SETD3: variants seen among roughly 807,000 people sequenced by gnomAD.
SETD3 encodes actin-histidine N-methyltransferase.
SETD3 carries 19 observed loss-of-function variants against 63.0 expected under a neutral mutation model. That is an observed-to-expected ratio of 0.30 (90% confidence interval 0.21 to 0.44). The LOEUF is 0.44. Among genes scored for constraint, SETD3 ranks in the 20% least tolerant of loss-of-function variants. The pLI, the probability that SETD3 is intolerant of heterozygous loss-of-function variation, is 1.00. For synonymous variants in SETD3, 286 were observed against 264.1 expected (o/e 1.08, Z -0.80); for missense variants, 587 against 728.5 (o/e 0.81, Z 2.24).
intron 1 of SETD3, among the ~76,000 whole-genome samples, chr14:99,474,860 T>C (rs1895890104): frequency 7.1e-6 from 1 of 141,020 alleles, no homozygotes; most frequent in Admixed American, 7.2e-5. Context: ...ATAAGCACAG[T>C]TGTTGCTTTT....
At chr14:99,428,122 C>A (rs1033520037) in intron 6 of SETD3, among the ~76,000 whole-genome samples, 1 of 152,218 alleles carries the variant, frequency 6.6e-6, no homozygotes, top group Non-Finnish European at 1.5e-5. Flanking sequence ...TGGCACAGTG[C>A]CCACGGCAGG....
chr14:99,461,464 A>C, intron 3 of SETD3, 124 bp from the exon 4 acceptor site: 1 of 924,166 alleles, frequency 1.1e-6, no homozygotes, highest in South Asian at 1.6e-5. Flanking sequence ...GCCAATCTTG[A>C]AATCAAAACT....
chr14:99,458,221 A>G lies in SETD3; in HGVS notation c.675+58T>C. The G allele has an allele frequency of 3.9e-6, 6 of 1,542,824 alleles. No homozygotes were observed. In the South Asian group the frequency reaches 7.4e-5, roughly 19 times the overall value. The stretch of plus-strand genomic sequence containing the variant: ...ATCAAATGGAATATTTATGGACTCA[A>G]TTCCTCTTTCCTCCCCACTCTGTGA... On this transcript the variant is annotated intron_variant, in intron 6 of 12. Transcript: ENST00000331768.
At chr14:99,428,116 A>G (rs1892982619) in intron 6 of SETD3, among the ~76,000 whole-genome samples, 1 of 152,248 alleles carries the variant, frequency 6.6e-6, no homozygotes, top group South Asian at 2.1e-4. Context: ...AGAGGGTGGC[A>G]CAGTGCCCAC....
At chr14:99,421,803 T>C (rs1892611340) in intron 6 of SETD3, among the ~76,000 whole-genome samples, 1 of 152,148 alleles carries the variant, frequency 6.6e-6, no homozygotes, top group Admixed American at 6.5e-5. Flanking sequence ...AGTTAATAAA[T>C]GATGAGGCTA....
chr14:99,429,099 A>T (rs1893037225), intron 6 of SETD3, among the ~76,000 whole-genome samples: 1 of 152,224 alleles, frequency 6.6e-6, no homozygotes, highest in South Asian at 2.1e-4. Flanking sequence ...AATCTGCCAT[A>T]ATACGGTGTC....
chr14:99,408,084 T>C (rs1236647961), intron 8 of SETD3, among the ~76,000 whole-genome samples: 1 of 152,184 alleles, frequency 6.6e-6, no homozygotes, highest in Non-Finnish European at 1.5e-5. Flanking sequence ...CAGCTACAAG[T>C]GCTCCTTGCT....
chr14:99,443,859 A>G (rs1893979668), intron 6 of SETD3, among the ~76,000 whole-genome samples: 1 of 152,170 alleles, frequency 6.6e-6, no homozygotes, highest in Non-Finnish European at 1.5e-5. Context: ...CTCGCTCTGG[A>G]AAGGGCTGCC....
At chr14:99,465,457 G>C in intron 2 of SETD3, among the ~76,000 whole-genome samples, 1 of 152,364 alleles carries the variant, frequency 6.6e-6, no homozygotes, top group South Asian at 2.1e-4. Flanking sequence ...CCAGGTGACT[G>C]TGCCATGGAA....
chr14:99,423,815 T>C (rs958940451), intron 6 of SETD3, among the ~76,000 whole-genome samples: 1 of 152,140 alleles, frequency 6.6e-6, no homozygotes, highest in Non-Finnish European at 1.5e-5. Flanking sequence ...GTTTCTCTTA[T>C]GAGAACGGCC....
chr14:99,417,581 A>G (rs1471254048), intron 6 of SETD3, among the ~76,000 whole-genome samples: 2 of 152,262 alleles, frequency 1.3e-5, no homozygotes, highest in Non-Finnish European at 2.9e-5. Flanking sequence ...CAAACAGTTA[A>G]TATGTGTTAC....
chr14:99,407,806 T>C (rs1891767034), intron 8 of SETD3, among the ~76,000 whole-genome samples: 2 of 152,246 alleles, frequency 1.3e-5, no homozygotes, highest in South Asian at 2.1e-4. Flanking sequence ...TGCCTCCCCG[T>C]CGGTCACACT....
At chr14:99,431,938 G>C (rs1027799927) in intron 6 of SETD3, among the ~76,000 whole-genome samples, 4 of 152,250 alleles carry the variant, frequency 2.6e-5, no homozygotes, top group South Asian at 2.1e-4. Flanking sequence ...GGAATACTAT[G>C]AATCTGCTCA....
intron 6 of SETD3, among the ~76,000 whole-genome samples, chr14:99,451,496 T>C (rs1030900937): frequency 6.6e-6 from 1 of 152,072 alleles, no homozygotes; most frequent in Non-Finnish European, 1.5e-5. Flanking sequence ...TGTATCTTTT[T>C]TCTTTTTTTC....
At chr14:99,435,148 A>G (rs994400869) in intron 6 of SETD3, among the ~76,000 whole-genome samples, 2 of 152,146 alleles carry the variant, frequency 1.3e-5, no homozygotes, top group African/African-American at 4.8e-5. Flanking sequence ...GTTATTTGCC[A>G]TGCATATTGT....
Position 99,458,294 on chromosome 14 carries a change from G to A in SETD3, c.660C>T (p.Phe220=), listed in dbSNP as rs758307073. ...AGCTGCTCACCTGGATGACTTTATA[G>A]AAGTAGGCGTACTGTCGAGCTGTGT... ...YKNTARQYAY[F]YKVIQTHPHA... Residue 220 remains phenylalanine, a synonymous_variant, in exon 6 of 13, where the codon TTC becomes TTT. Coordinates refer to ENST00000331768, the MANE Select transcript of SETD3 (RefSeq NM_032233.3). 3.7e-6 allele frequency: 6 copies of A among 1,613,494 alleles called. No individual in the cohort carries two copies. Among genetic ancestry groups the A allele is most frequent in the Non-Finnish European group, 5.1e-6 (6 of 1,179,542 alleles).
intron 6 of SETD3, among the ~76,000 whole-genome samples, chr14:99,424,789 A>G (rs1892790621): frequency 6.6e-6 from 1 of 152,180 alleles, no homozygotes; most frequent in South Asian, 2.1e-4. Context: ...AGGGGAGCCC[A>G]GGAAGAGCTG....
At chr14:99,465,360 G>C (rs183412917) in intron 2 of SETD3, among the ~76,000 whole-genome samples, 3 of 152,320 alleles carry the variant, frequency 2.0e-5, no homozygotes, top group Non-Finnish European at 4.4e-5. Flanking sequence ...CTGAGTTTCG[G>C]AAGGGTTCAG....
intron 6 of SETD3, among the ~76,000 whole-genome samples, chr14:99,423,683 G>T (rs1188609588): frequency 7.1e-6 from 1 of 141,740 alleles, no homozygotes; most frequent in Non-Finnish European, 1.5e-5. Context: ...TAGAAAAAAA[G>T]TCATTCACAG....
Sources: allele counts gnomAD v4.1 joint callset (sites outside exome capture counted in the v4.1 genomes callset), GRCh38; gene constraint gnomAD v4.1.1; transcripts MANE v1.5; gene names NCBI Gene and HGNC (gene_info 2026-07-23, HGNC 2026-07-21).